Variants in BBS9 observed in about 807,000 individuals in gnomAD.
BBS9 encodes Bardet-Biedl syndrome 9.
Under a neutral mutation model 117.7 loss-of-function variants are expected in BBS9, and 89 were observed. The observed-to-expected ratio is 0.76, with a 90% CI of 0.64 to 0.90. The LOEUF (loss-of-function observed/expected upper bound fraction) is 0.90, where lower values mean the gene tolerates loss of function less well. BBS9 is among the 40% of genes least tolerant of loss of function. The pLI, the probability that BBS9 is intolerant of heterozygous loss-of-function variation, is 0.00. For synonymous variants in BBS9, 379 were observed against 370.9 expected, an observed-to-expected ratio of 1.02 and a Z score of -0.25; for missense variants, 982 against 1,042.2, an observed-to-expected ratio of 0.94 and a Z score of 0.80.
chr7:33,489,330 G>GC (rs1563247454), intron 19 of BBS9, among the ~76,000 whole-genome samples: 1 of 118,712 alleles, frequency 8.4e-6, no homozygotes, highest in African/African-American at 3.2e-5. Flanking sequence ...ACCACTTATG[G>GC]CTTTTTTTTT....
chr7:33,405,173 C>G (rs986745888), intron 19 of BBS9, among the ~76,000 whole-genome samples: 4 of 152,188 alleles, frequency 2.6e-5, no homozygotes, highest in African/African-American at 9.6e-5. Flanking sequence ...ATTGAACCAG[C>G]CTTGCATCCC....
chr7:33,265,292 G>T (rs1382838835), intron 7 of BBS9, among the ~76,000 whole-genome samples: 1 of 152,112 alleles, frequency 6.6e-6, no homozygotes, highest in Non-Finnish European at 1.5e-5. Flanking sequence ...GAACAGAAGG[G>T]TAACTTGGAA....
At chr7:33,407,787 C>G (rs916612437) in intron 19 of BBS9, among the ~76,000 whole-genome samples, 2 of 152,202 alleles carry the variant, frequency 1.3e-5, no homozygotes, top group Non-Finnish European at 2.9e-5. Context: ...CTGACTGTTC[C>G]TCTGGAAGTT....
intron 19 of BBS9, among the ~76,000 whole-genome samples, chr7:33,403,169 AG>A (rs1422640390): frequency 6.6e-6 from 1 of 151,090 alleles, no homozygotes; most frequent in Non-Finnish European, 1.5e-5. Context: ...AGTGATGCTG[AG>A]GTTTGGGGTA....
intron 9 of BBS9, among the ~76,000 whole-genome samples, chr7:33,329,301 G>T (rs1813492706): frequency 6.6e-6 from 1 of 152,158 alleles, no homozygotes; most frequent in Non-Finnish European, 1.5e-5. Context: ...GATTACAGGT[G>T]TGAGCCACCG....
chr7:33,449,457 CTG>C (rs900232085), intron 19 of BBS9, among the ~76,000 whole-genome samples: 2 of 152,260 alleles, frequency 1.3e-5, no homozygotes, highest in Admixed American at 1.3e-4. Flanking sequence ...CCTAGAGTAA[CTG>C]GAATAGTTCT....
chr7:33,301,115 C>CTA, intron 9 of BBS9, among the ~76,000 whole-genome samples: 1 of 151,578 alleles, frequency 6.6e-6, no homozygotes, highest in Admixed American at 6.6e-5. Context: ...TGTGGGTTTA[C>CTA]AATATATATG....
chr7:33,324,580 C>G (rs997930586), intron 9 of BBS9, among the ~76,000 whole-genome samples: 1 of 148,094 alleles, frequency 6.8e-6, no homozygotes, highest in African/African-American at 2.5e-5. Context: ...CAGATGATTT[C>G]TTATTGCTAG....
chr7:33,508,999 T>C (rs941317781), intron 20 of BBS9, among the ~76,000 whole-genome samples: 5 of 152,200 alleles, frequency 3.3e-5, no homozygotes, highest in African/African-American at 1.2e-4. Context: ...CATTCTCTGC[T>C]GTCATAGCCC....
intron 7 of BBS9, among the ~76,000 whole-genome samples, chr7:33,265,463 A>G (rs559637794): frequency 6.6e-6 from 1 of 152,148 alleles, no homozygotes; most frequent in Non-Finnish European, 1.5e-5. Context: ...TGAGAGCTTT[A>G]CTTTTTTTTT....
chr7:33,393,602 C>A (rs1021481047), intron 19 of BBS9, among the ~76,000 whole-genome samples: 1 of 152,088 alleles, frequency 6.6e-6, no homozygotes, highest in Non-Finnish European at 1.5e-5. Flanking sequence ...AGAGAACAGC[C>A]TTATTACCCC....
chr7:33,164,658 C>A (rs568253118), intron 4 of BBS9, among the ~76,000 whole-genome samples: 1 of 151,990 alleles, frequency 6.6e-6, no homozygotes, highest in African/African-American at 2.4e-5. Flanking sequence ...GCAACCCCTG[C>A]TTTTTTTTGT....
chr7:33,245,998 T>C (rs985800083), intron 5 of BBS9, among the ~76,000 whole-genome samples: 3 of 152,140 alleles, frequency 2.0e-5, no homozygotes, highest in Non-Finnish European at 2.9e-5. Flanking sequence ...TGGAGTATCT[T>C]GGAAGTTTTT....
chr7:33,467,329 T>A (rs935899442), intron 19 of BBS9, among the ~76,000 whole-genome samples: 1 of 152,176 alleles, frequency 6.6e-6, no homozygotes, highest in Non-Finnish European at 1.5e-5. Flanking sequence ...TTTGTTTATA[T>A]CACCTTCCAG....
At chr7:33,298,738 C>A (rs1054478974) in intron 9 of BBS9, among the ~76,000 whole-genome samples, 1 of 152,158 alleles carries the variant, frequency 6.6e-6, no homozygotes, top group African/African-American at 2.4e-5. Context: ...TCAAACAGTT[C>A]AAATCAGAGG....
At chr7:33,378,330 T>C (rs1289873519) in intron 17 of BBS9, among the ~76,000 whole-genome samples, 8 of 152,224 alleles carry the variant, frequency 5.3e-5, no homozygotes, top group African/African-American at 1.9e-4. Flanking sequence ...ATTTTTTGAA[T>C]AAATGAATAG....
chr7:33,603,393 A>G (rs2129204641), intron 21 of BBS9, among the ~76,000 whole-genome samples: 1 of 152,280 alleles, frequency 6.6e-6, no homozygotes, highest in South Asian at 2.1e-4. Context: ...GAGTGTAAAG[A>G]AGAAGAAAAG....
At chr7:33,154,183 T>G (rs1337241582) in intron 3 of BBS9, among the ~76,000 whole-genome samples, 1 of 152,212 alleles carries the variant, frequency 6.6e-6, no homozygotes, top group Non-Finnish European at 1.5e-5. Flanking sequence ...ATACTGATTA[T>G]GTGATAGTCA....
intron 21 of BBS9, among the ~76,000 whole-genome samples, chr7:33,595,508 TG>T (rs1862597850): frequency 1.3e-5 from 2 of 152,166 alleles, no homozygotes; most frequent in Non-Finnish European, 2.9e-5. Context: ...CCAGTCAGAA[TG>T]GCAATTATTA....
Sources: gnomAD v4.1 joint callset for allele counts (sites outside exome capture counted in the v4.1 genomes callset) on GRCh38, gnomAD v4.1.1 for gene constraint, MANE v1.5 for transcripts, NCBI Gene and HGNC (gene_info 2026-07-23, HGNC 2026-07-21) for gene names.